Variants in ANKRD36 observed in about 807,000 individuals in gnomAD.
ANKRD36 encodes ankyrin repeat domain-containing protein 36A.
ANKRD36 carries 179 observed loss-of-function variants against 278.1 expected under a neutral mutation model. That is an observed-to-expected ratio of 0.64 (90% CI 0.57 to 0.73). The LOEUF is 0.73. Among genes scored for constraint, ANKRD36 ranks in the 30% least tolerant of loss-of-function variants. ANKRD36 has a pLI of 0.00. For synonymous variants in ANKRD36, 320 were observed against 641.1 expected, an observed-to-expected ratio of 0.50 and a Z score of 7.57; for missense variants, 1,159 against 1,956.7, an observed-to-expected ratio of 0.59 and a Z score of 7.69.
At chr2:97,207,248 AT>A (rs1437193875) in intron 52 of ANKRD36, among the ~76,000 whole-genome samples, 2 of 151,468 alleles carry the variant, frequency 1.3e-5, no homozygotes, top group Non-Finnish European at 3.0e-5. Flanking sequence ...GATAATGAAT[AT>A]TATCTACTAG....
chr2:97,181,029 G>T (rs988075272), intron 24 of ANKRD36, among the ~76,000 whole-genome samples: 1 of 151,586 alleles, frequency 6.6e-6, no homozygotes, highest in Non-Finnish European at 1.5e-5. Context: ...ACACCACATG[G>T]GTGTGAGAAA....
chr2:97,159,154 T>G (rs551974867), intron 17 of ANKRD36, among the ~76,000 whole-genome samples: 2 of 152,102 alleles, frequency 1.3e-5, no homozygotes, highest in East Asian at 3.9e-4. Flanking sequence ...ATTTTAAATA[T>G]AGATTAAGAA....
At chr2:97,161,695 T>G (rs2048922804) in intron 17 of ANKRD36, among the ~76,000 whole-genome samples, 1 of 152,128 alleles carries the variant, frequency 6.6e-6, no homozygotes, top group African/African-American at 2.4e-5. Flanking sequence ...ACCACGTTAT[T>G]GTGGTAGTTC....
intron 3 of ANKRD36, among the ~76,000 whole-genome samples, chr2:97,121,908 A>G (rs545231825): frequency 6.7e-6 from 1 of 149,266 alleles, no homozygotes; most frequent in South Asian, 2.2e-4. Flanking sequence ...ATTGAGAATA[A>G]CATTTCATAC....
rs1388430444 is a variant in ANKRD36, at chr2:97,203,248, C to G, written c.2960-820C>G. Among the ~76,000 whole-genome samples, 3 of 151,800 alleles carry G rather than the reference C, an allele frequency of 2.0e-5. No individual in the cohort carries two copies. The East Asian group carries it at 5.8e-4, about 30-fold the overall frequency. On this transcript the variant is annotated intron_variant, in intron 48 of 75. Coordinates refer to ENST00000420699, the MANE Select transcript of ANKRD36 (RefSeq NM_001354587.1). ...TTAGAAACAAAAATTATGCTGGATT[C>G]TAATTAACTCCTAAAATGCTCATTT...
chr2:97,198,230 C>T (rs2153585420), intron 42 of ANKRD36, among the ~76,000 whole-genome samples: 1 of 152,028 alleles, frequency 6.6e-6, no homozygotes, highest in East Asian at 1.9e-4. Context: ...TAGTTTTTGG[C>T]ATATGACAAA....
chr2:97,147,642 T>C (rs188034386), intron 11 of ANKRD36, among the ~76,000 whole-genome samples: 1 of 149,716 alleles, frequency 6.7e-6, no homozygotes, highest in African/African-American at 2.5e-5. Flanking sequence ...TGTCATTGAG[T>C]GATTTTAGTT....
intron 67 of ANKRD36, among the ~76,000 whole-genome samples, chr2:97,233,040 G>C (rs1343318791): frequency 6.6e-6 from 1 of 151,616 alleles, no homozygotes; most frequent in Non-Finnish European, 1.5e-5. Context: ...TGGTGTTTCT[G>C]TTGTTACAAA....
chr2:97,165,966 G>A (rs1559432552), intron 20 of ANKRD36, among the ~76,000 whole-genome samples: 1 of 152,054 alleles, frequency 6.6e-6, no homozygotes, highest in Non-Finnish European at 1.5e-5. Context: ...AGTGATTTCT[G>A]AAGATGTTGC....
intron 46 of ANKRD36, among the ~76,000 whole-genome samples, chr2:97,200,882 C>G (rs1199281597): frequency 6.6e-6 from 1 of 151,874 alleles, no homozygotes; most frequent in Non-Finnish European, 1.5e-5. Context: ...CATCATAGTG[C>G]TAAAAACAGA....
chr2:97,229,948 G>T (rs1275195886), intron 67 of ANKRD36, among the ~76,000 whole-genome samples: 1 of 152,046 alleles, frequency 6.6e-6, no homozygotes, highest in Non-Finnish European at 1.5e-5. Flanking sequence ...TTTTCTTTAA[G>T]AATGTTGAAT....
At chr2:97,178,188 G>A (rs1287967371) in intron 22 of ANKRD36, among the ~76,000 whole-genome samples, 1 of 150,904 alleles carries the variant, frequency 6.6e-6, no homozygotes. Context: ...ACAGGTGCTG[G>A]AGAGGATGTG....
At chr2:97,248,425 A>G (rs2075591397) in intron 72 of ANKRD36, 1 of 114,300 alleles carries the variant, frequency 8.7e-6, no homozygotes, top group Non-Finnish European at 1.5e-5. Context: ...ACGCTTTTAA[A>G]TCACTTCTCT....
At chr2:97,220,593 C>A (rs377766063) in intron 66 of ANKRD36, among the ~76,000 whole-genome samples, 1 of 151,550 alleles carries the variant, frequency 6.6e-6, no homozygotes, top group Admixed American at 6.6e-5. Flanking sequence ...ATGGCTGAGC[C>A]GTATATGTAT....
Position 97,198,571 on chromosome 2 carries a change from T to G in ANKRD36, c.2683-15T>G, listed in dbSNP as rs1463783682. On this transcript the variant is annotated splice_polypyrimidine_tract_variant and intron_variant, in intron 43 of 75. Coordinates refer to ENST00000420699, the MANE Select transcript of ANKRD36 (RefSeq NM_001354587.1). ...TACTTTATTAATTTATTATTTCATT[T>G]CAAATTCCATTCAGGCTTCAAGTGC... The G allele has an allele frequency of 6.4e-7, 1 of 1,550,770 alleles. No individual in the cohort carries two copies.
chr2:97,136,266 A>C (rs1269770224), intron 6 of ANKRD36, among the ~76,000 whole-genome samples: 2 of 150,274 alleles, frequency 1.3e-5, no homozygotes, highest in South Asian at 4.3e-4. Context: ...TGGAGAATAC[A>C]TGGATGTTCC....
At chr2:97,173,329 C>T (rs1175553713) in intron 22 of ANKRD36, among the ~76,000 whole-genome samples, 1 of 150,902 alleles carries the variant, frequency 6.6e-6, no homozygotes, top group African/African-American at 2.4e-5. Context: ...GGCTGCTGAG[C>T]CTATGATAAT....
chr2:97,187,494 G>GGGGGGGGGGGGGGGGCC, intron 32 of ANKRD36, 93 bp downstream of exon 32: 2 of 95,518 alleles, frequency 2.1e-5, no homozygotes, highest in South Asian at 1.4e-4. Context: ...GGGTGGGGGG[G>GGGGGGGGGGGGGGGGCC]CTCGCCGAAG....
chr2:97,118,131 T>C lies in ANKRD36; in HGVS notation c.265T>C (p.Cys89Arg), dbSNP rs1191302084. The C allele has an allele frequency of 6.4e-7, 1 of 1,565,186 alleles. No homozygotes were observed. The highest frequency in any genetic ancestry group is 1.4e-5 in the African/African-American group (1 of 73,474). ...GGTACATCTCCTGGTGTCCAGAAGA[T>C]GTGAGCTTAACCTCTGCGACCGTGA... Reference protein sequence around the residue: ...EMVHLLVSRRCELNLCDREDR... With the variant: ...EMVHLLVSRRRELNLCDREDR... Residue 89 changes from cysteine (C) to arginine (R), a missense_variant, in exon 2 of 76, where the codon TGT (cysteine) becomes CGT (arginine). Cys to Arg is a radical substitution (Grantham distance 180). Transcript: ENST00000420699.
Sources: gnomAD v4.1 joint callset for allele counts (sites outside exome capture counted in the v4.1 genomes callset) on GRCh38, gnomAD v4.1.1 for gene constraint, MANE v1.5 for transcripts, NCBI Gene and HGNC (gene_info 2026-07-23, HGNC 2026-07-21) for gene names.